CD38: variants seen among roughly 807,000 people sequenced by gnomAD.
CD38 encodes CD38 molecule, also known as ADP-ribosyl cyclase/cyclic ADP-ribose hydrolase 1.
A neutral mutation model predicts 36.3 loss-of-function variants in CD38; 31 were observed. That is an observed-to-expected ratio of 0.85 (90% confidence interval 0.64 to 1.15). CD38 has a LOEUF of 1.15. Ranked by LOEUF, CD38 falls within the 50% of genes most tolerant of loss-of-function variation. The pLI is 0.00. For synonymous variants in CD38, 131 were observed against 135.2 expected, an observed-to-expected ratio of 0.97 and a Z score of 0.22; for missense variants, 380 against 371.9, an observed-to-expected ratio of 1.02 and a Z score of -0.18.
intron 1 of CD38, among the ~76,000 whole-genome samples, chr4:15,806,852 G>C (rs930541918): frequency 6.6e-6 from 1 of 152,192 alleles, no homozygotes; most frequent in Admixed American, 6.5e-5. Flanking sequence ...CTAACAGATC[G>C]AGGCTTCTCC....
At chr4:15,790,732 A>G (rs1420086331) in intron 1 of CD38, among the ~76,000 whole-genome samples, 2 of 141,564 alleles carry the variant, frequency 1.4e-5, no homozygotes, top group African/African-American at 5.4e-5. Flanking sequence ...GGAGGCGAGG[A>G]GCGCCTCTTC....
intron 7 of CD38, among the ~76,000 whole-genome samples, chr4:15,841,053 A>G (rs566889143): frequency 6.6e-6 from 1 of 152,298 alleles, no homozygotes; most frequent in African/African-American, 2.4e-5. Flanking sequence ...AAAAAAAAGT[A>G]TTTACAAAAT....
intron 5 of CD38, among the ~76,000 whole-genome samples, chr4:15,839,384 A>C (rs1402619359): frequency 6.8e-6 from 1 of 147,224 alleles, no homozygotes; most frequent in Non-Finnish European, 1.5e-5. Context: ...AGATCATTTC[A>C]GCAGGTTATA....
intron 1 of CD38, among the ~76,000 whole-genome samples, chr4:15,780,344 AAG>A (rs1196194557): frequency 1.1e-4 from 17 of 152,286 alleles, no homozygotes; most frequent in Middle Eastern, 6.8e-3. Flanking sequence ...TAAGAGAAAA[AAG>A]AGCATCTAAT....
At chr4:15,779,176 C>T (rs945536250) in intron 1 of CD38, among the ~76,000 whole-genome samples, 2 of 152,156 alleles carry the variant, frequency 1.3e-5, no homozygotes, top group East Asian at 1.9e-4. Context: ...GGCCAAACCA[C>T]GGAACTTAGT....
chr4:15,824,824 A>C, intron 2 of CD38, 57 bp from the exon 3 acceptor site: 1 of 1,417,068 alleles, frequency 7.1e-7, no homozygotes, highest in Non-Finnish European at 9.8e-7. Flanking sequence ...CTGTGGATTA[A>C]TTTTTTTTGA....
chr4:15,829,212 G>C (rs1358726028), intron 3 of CD38, among the ~76,000 whole-genome samples: 3 of 151,326 alleles, frequency 2.0e-5, no homozygotes, highest in African/African-American at 7.3e-5. Flanking sequence ...TTTTGTTTTT[G>C]TTTGTTTTTT....
chr4:15,826,171 ACT>A (rs1220499906), intron 3 of CD38: 16 of 152,178 alleles, frequency 1.1e-4, no homozygotes, highest in Non-Finnish European at 2.2e-4. Context: ...AGCAAATGTC[ACT>A]CTGAATTTTC....
chr4:15,785,119 C>T (rs755261379), intron 1 of CD38, among the ~76,000 whole-genome samples: 10 of 151,988 alleles, frequency 6.6e-5, no homozygotes, highest in Non-Finnish European at 1.3e-4. Context: ...TGAAACAGGC[C>T]TTCCAGGTGT....
chr4:15,842,286 C>A (rs1175216480), intron 7 of CD38, among the ~76,000 whole-genome samples: 1 of 136,986 alleles, frequency 7.3e-6, no homozygotes, highest in African/African-American at 3.0e-5. Context: ...GGAGGCACCC[C>A]CCAGCAGGGG....
chr4:15,822,971 T>C (rs1407918412), intron 2 of CD38, among the ~76,000 whole-genome samples: 1 of 151,908 alleles, frequency 6.6e-6, no homozygotes, highest in Non-Finnish European at 1.5e-5. Context: ...ATGGTACTTG[T>C]ACAAAAATAA....
chr4:15,782,331 T>G (rs1481916626), intron 1 of CD38, among the ~76,000 whole-genome samples: 1 of 152,226 alleles, frequency 6.6e-6, no homozygotes, highest in Non-Finnish European at 1.5e-5. Flanking sequence ...AAAAATAATG[T>G]AGACAGTTTT....
Position 15,782,712 on chromosome 4 carries a change from T to C in CD38, c.233+4065T>C, listed in dbSNP as rs574162305. On this transcript the variant is annotated intron_variant, in intron 1 of 7. Coordinates refer to ENST00000226279, the MANE Select transcript of CD38 (RefSeq NM_001775.4). Reference sequence around the variant, plus strand: ...CTGTCTTGAGCATAGAAACTGTTAATTTTTCCTTTGTGTAGTAGGTCCTTA... The same window carrying C: ...CTGTCTTGAGCATAGAAACTGTTAACTTTTCCTTTGTGTAGTAGGTCCTTA... 3.9e-5 allele frequency among the ~76,000 whole-genome samples: 6 copies of C among 152,368 alleles called. No homozygotes were observed. In the South Asian group the frequency reaches 6.2e-4, roughly 16 times the overall value.
At chr4:15,834,405 T>C in intron 4 of CD38, 103 bp downstream of exon 4, 2 of 736,220 alleles carry the variant, frequency 2.7e-6, no homozygotes. Flanking sequence ...CAAATACTTT[T>C]AGGAATGAAA....
chr4:15,833,866 G>C (rs887599626), intron 3 of CD38, among the ~76,000 whole-genome samples: 6 of 152,204 alleles, frequency 3.9e-5, no homozygotes, highest in African/African-American at 1.4e-4. Flanking sequence ...CAGAAAAGCA[G>C]TTGGCAAAAG....
At chr4:15,829,302 T>C (rs1346475125) in intron 3 of CD38, among the ~76,000 whole-genome samples, 1 of 152,172 alleles carries the variant, frequency 6.6e-6, no homozygotes, top group Non-Finnish European at 1.5e-5. Flanking sequence ...AGATATACAG[T>C]GCATAATAAT....
chr4:15,790,966 G>A (rs1483693601), intron 1 of CD38, among the ~76,000 whole-genome samples: 2 of 148,732 alleles, frequency 1.3e-5, no homozygotes, highest in Non-Finnish European at 3.0e-5. Context: ...GAAGTGAGGA[G>A]CCCCTCCGTC....
At chr4:15,796,328 T>C (rs1372129417) in intron 1 of CD38, among the ~76,000 whole-genome samples, 2 of 152,170 alleles carry the variant, frequency 1.3e-5, no homozygotes, top group Non-Finnish European at 2.9e-5. Flanking sequence ...CTGTATACTT[T>C]GTGTTTCCCA....
intron 1 of CD38, among the ~76,000 whole-genome samples, chr4:15,802,531 A>G (rs1577642524): frequency 1.4e-5 from 2 of 147,768 alleles, no homozygotes; most frequent in Admixed American, 6.7e-5. Flanking sequence ...ATTTTATTTT[A>G]TTTTATTTTA....
Sources: gnomAD v4.1 joint callset for allele counts (sites outside exome capture counted in the v4.1 genomes callset) on GRCh38, gnomAD v4.1.1 for gene constraint, MANE v1.5 for transcripts, NCBI Gene and HGNC (gene_info 2026-07-23, HGNC 2026-07-21) for gene names.